ASXL1: variants seen among roughly 807,000 people sequenced by gnomAD.
ASXL1 encodes polycomb group protein ASXL1.
A neutral mutation model predicts 89.1 loss-of-function variants in ASXL1; 65 were observed. That is an observed-to-expected ratio of 0.73 (90% confidence interval 0.60 to 0.90). The LOEUF (loss-of-function observed/expected upper bound fraction) is 0.90. Ranked by LOEUF, ASXL1 falls within the 40% of genes least tolerant of loss-of-function variation. ASXL1 has a pLI of 0.00. For missense variants in ASXL1, 1,786 were observed against 1,942.9 expected, an observed-to-expected ratio of 0.92 and a Z score of 1.52; for synonymous variants, 739 against 746.9, an observed-to-expected ratio of 0.99 and a Z score of 0.17.
In ASXL1 at chr20:32,397,250, C is replaced by CTTTTTTT; in HGVS notation, c.252+28152_252+28158dup. ...TTGTGGGGTGAGCGACCATGCCTGG[C>CTTTTTTT]TTTTTTTTTTTTTTTTTTTTTTTTT... On this transcript the variant is annotated intron_variant, in intron 4 of 12. Transcript: ENST00000375687. Among the ~76,000 whole-genome samples, 27 of 6,984 alleles carry CTTTTTTT rather than the reference C, an allele frequency of 3.9e-3. 7 individuals are homozygous for CTTTTTTT. Among genetic ancestry groups the CTTTTTTT allele is most frequent in the East Asian group, 0.027 (4 of 150 alleles). The allele number at this position is 6,984 out of a possible 152,430, so 4.6% of individuals were successfully genotyped here. A position where few individuals can be genotyped will look rare whatever the true frequency, so the allele number is the denominator to read the frequency against.
At chr20:32,368,114 AGGCTT>A (rs2048236881) in intron 3 of ASXL1, among the ~76,000 whole-genome samples, 1 of 152,168 alleles carries the variant, frequency 6.6e-6, no homozygotes, top group South Asian at 2.1e-4. Context: ...AAATGCAAAG[AGGCTT>A]ACTTAAGCTA....
At position 32,437,387 on chromosome 20, in the gene ASXL1, T is replaced by C. The variant is rs1476578651; in HGVS notation, c.*49T>C. On this transcript the variant is annotated 3_prime_UTR_variant, in exon 13 of 13. Transcript: ENST00000375687. ...TGTATATTTAGTGTGTGTATTTTGA[T>C]AATGATTGATCTTAAATCTGTATAC... is the stretch of plus-strand genomic sequence containing the variant. 8 of 1,593,692 alleles carry C rather than the reference T, an allele frequency of 5.0e-6. No individual in the cohort carries two copies. Among genetic ancestry groups the C allele is most frequent in the Admixed American group, 1.7e-5 (1 of 59,988 alleles).
At chr20:32,397,017 A>C (rs1310694410) in intron 4 of ASXL1, among the ~76,000 whole-genome samples, 2 of 148,446 alleles carry the variant, frequency 1.3e-5, no homozygotes, top group Admixed American at 6.7e-5. Flanking sequence ...AACAAAAAAA[A>C]CTCACTGTGG....
Position 32,429,413 on chromosome 20 carries a change from C to G in ASXL1, c.547C>G (p.His183Asp). 6.2e-7 allele frequency: 1 copy of G among 1,614,032 alleles called. No individual in the cohort carries two copies. The highest frequency in any genetic ancestry group is 8.5e-7 in the Non-Finnish European group (1 of 1,179,950). The change falls in exon 7 of 13, where the codon CAC becomes GAC. Residue 183 changes from histidine (H) to aspartate (D), a missense_variant. By Grantham distance (81) the His-to-Asp change is moderately conservative. Around this residue, in one of 3 missense-constraint regions of ASXL1, gnomAD observed 332 missense variants for 449.7 expected, o/e 0.74. Transcript: ENST00000375687. The surrounding 1 kb of genome is among the most constrained non-coding windows in gnomAD (Gnocchi z 4.9). ...GACTCCTCTGAAGGTAAACGGGGCC[C>G]ACGTGGAATCTGCATCAGGTATGTG... ...VLTPLKVNGA[H>D]VESASGFSGC...
intron 4 of ASXL1, among the ~76,000 whole-genome samples, chr20:32,387,348 T>G (rs1200718234): frequency 6.6e-6 from 1 of 152,138 alleles, no homozygotes; most frequent in Non-Finnish European, 1.5e-5. Flanking sequence ...GCTTTTCTAT[T>G]TGTCATGCCC....
chr20:32,419,655 C>T, intron 4 of ASXL1, among the ~76,000 whole-genome samples: 1 of 149,690 alleles, frequency 6.7e-6, no homozygotes, highest in Non-Finnish European at 1.5e-5. Flanking sequence ...TTTCTTTTTT[C>T]TTCAACCCTG....
Position 32,399,745 on chromosome 20 carries a change from C to CTATTTTTTTTTTTTTTTTTTTTTTTTTT in ASXL1, c.253-28382_253-28381insATTTTTTTTTTTTTTTTTTTTTTTTTTT, listed in dbSNP as rs1600525633. Reference sequence around the variant, plus strand: ...ATTTTTAAAAATCTCACATATTTTACTCTTTTTTTTTTTTTTTTTTTTTTT... The same window carrying CTATTTTTTTTTTTTTTTTTTTTTTTTTT: ...ATTTTTAAAAATCTCACATATTTTACTATTTTTTTTTTTTTTTTTTTTTTTTTTTCTTTTTTTTTTTTTTTTTTTTTTT... On this transcript the variant is annotated intron_variant, in intron 4 of 12. Transcript: ENST00000375687. Among the ~76,000 whole-genome samples, 11 of 66,614 alleles carry CTATTTTTTTTTTTTTTTTTTTTTTTTTT rather than the reference C, an allele frequency of 1.7e-4. 4 individuals carry two copies. Among genetic ancestry groups the CTATTTTTTTTTTTTTTTTTTTTTTTTTT allele is most frequent in the Non-Finnish European group, 8.9e-5 (3 of 33,826 alleles). 43.7% of individuals were successfully genotyped at this position (66,614 alleles called of 152,430 possible). A position where few individuals can be genotyped will look rare whatever the true frequency, so the allele number is the denominator to read the frequency against.
chr20:32,439,157 CAG>C lies in ASXL1; in HGVS notation c.*1820_*1821del, dbSNP rs2012081389. Reference sequence around the variant, plus strand: ...GCGTCTGTTTACCAAAGACCGGGAACAGGGGCCCAAACATGTCCAGTCCTCTT... The same window carrying C: ...GCGTCTGTTTACCAAAGACCGGGAACGGGCCCAAACATGTCCAGTCCTCTT... On this transcript the variant is annotated 3_prime_UTR_variant, in exon 13 of 13. Coordinates refer to ENST00000375687, the MANE Select transcript of ASXL1 (RefSeq NM_015338.6). 4 of 233,492 alleles carry C rather than the reference CAG, an allele frequency of 1.7e-5. No homozygotes were observed. The East Asian group carries it at 1.8e-4, about 11-fold the overall frequency. 14.5% of individuals were successfully genotyped at this position (233,492 alleles called of 1,614,324 possible). A position where few individuals can be genotyped will look rare whatever the true frequency, so the allele number is the denominator to read the frequency against.
At chr20:32,360,066 C>CAAAAA in intron 1 of ASXL1, 1 of 317,424 alleles carries the variant, frequency 3.2e-6, no homozygotes. Flanking sequence ...AGGTGTTGTG[C>CAAAAA]AAAAAAAAAA....
chr20:32,364,106 A>G (rs2048167197), intron 1 of ASXL1, among the ~76,000 whole-genome samples: 1 of 152,200 alleles, frequency 6.6e-6, no homozygotes, highest in Admixed American at 6.5e-5. Flanking sequence ...AAAAATTTGA[A>G]TCTAACTCTA....
chr20:32,423,590 G>A (rs975961329), intron 4 of ASXL1, among the ~76,000 whole-genome samples: 1 of 151,688 alleles, frequency 6.6e-6, no homozygotes, highest in Non-Finnish European at 1.5e-5. Context: ...TCACCCTGTT[G>A]CCCAGGCTGG....
rs2048307553 is a variant in ASXL1, at chr20:32,371,995, ATGGTATATTC to A, written c.252+2875_252+2884del. On this transcript the variant is annotated intron_variant, in intron 4 of 12. Transcript: ENST00000375687. ...ATGTTTATTACAAATATGCCTGTTA[ATGGTATATTC>A]TGTTTTTAAAAGGAAGGATAATTAC... 7 of 614,530 alleles carry A rather than the reference ATGGTATATTC, an allele frequency of 1.1e-5. No homozygotes were observed. The South Asian group carries it at 1.3e-4, about 11-fold the overall frequency. 38.1% of individuals were successfully genotyped at this position (614,530 alleles called of 1,614,324 possible).
intron 4 of ASXL1, among the ~76,000 whole-genome samples, chr20:32,391,800 G>GTT (rs910122904): frequency 6.6e-6 from 1 of 151,910 alleles, no homozygotes; most frequent in Admixed American, 6.5e-5. Flanking sequence ...AGGTTTTTGT[G>GTT]TTTTAGTAAA....
At chr20:32,403,540 G>A (rs530248503) in intron 4 of ASXL1, among the ~76,000 whole-genome samples, 1 of 152,028 alleles carries the variant, frequency 6.6e-6, no homozygotes, top group African/African-American at 2.4e-5. Context: ...TCAGCCTTCC[G>A]GGTAGCTGGG....
intron 4 of ASXL1, among the ~76,000 whole-genome samples, chr20:32,389,899 G>A (rs2122982020): frequency 6.6e-6 from 1 of 152,290 alleles, no homozygotes; most frequent in East Asian, 1.9e-4. Flanking sequence ...CAAGTATACA[G>A]CTTTGTGAGA....
intron 4 of ASXL1, among the ~76,000 whole-genome samples, chr20:32,415,337 A>T (rs570733904): frequency 1.3e-4 from 20 of 152,164 alleles, no homozygotes; most frequent in African/African-American, 4.8e-4. Context: ...TGTTGGTCTT[A>T]TTTAGAGTGT....
chr20:32,420,832 T>C lies in ASXL1; in HGVS notation c.253-7296T>C, dbSNP rs182785838. Among the ~76,000 whole-genome samples, 105 of 152,096 alleles carry C rather than the reference T, an allele frequency of 6.9e-4. 1 individual carries two copies. The highest frequency in any genetic ancestry group is 2.4e-3 in the African/African-American group (101 of 41,484). On this transcript the variant is annotated intron_variant, in intron 4 of 12. Coordinates refer to ENST00000375687, the MANE Select transcript of ASXL1 (RefSeq NM_015338.6). ...ATGGGTGAAAGACTTGAACAGATAC[T>C]TAAAGAGGAAGATATGAATATGGCC...
At chr20:32,383,466 C>G (rs1238189419) in intron 4 of ASXL1, among the ~76,000 whole-genome samples, 3 of 152,054 alleles carry the variant, frequency 2.0e-5, no homozygotes, top group Admixed American at 6.6e-5. Context: ...GCCACCATGC[C>G]CGGCTAATTT....
intron 4 of ASXL1, among the ~76,000 whole-genome samples, chr20:32,373,819 G>C (rs1485248996): frequency 6.6e-6 from 1 of 151,954 alleles, no homozygotes; most frequent in Admixed American, 6.6e-5. Flanking sequence ...AGTGAGCCAA[G>C]ATTGCACCAC....
Sources: gnomAD v4.1 joint callset for allele counts (sites outside exome capture counted in the v4.1 genomes callset) on GRCh38, gnomAD v4.1.1 for gene constraint, gnomAD v4.1.1 regional missense constraint, Gnocchi (gnomAD v3.1) non-coding constraint, MANE v1.5 for transcripts, NCBI Gene and HGNC (gene_info 2026-07-23, HGNC 2026-07-21) for gene names.